The following EXOC2 variants were observed in gnomAD, a reference collection of about 807,000 sequenced individuals.
The protein encoded by EXOC2 is exocyst complex component 2, also known as SEC5-like 1.
Under a neutral mutation model 131.8 loss-of-function variants are expected in EXOC2, and 70 were observed. The observed-to-expected ratio is 0.53, with a 90% confidence interval of 0.44 to 0.65. EXOC2 has a LOEUF of 0.65. EXOC2 is among the 30% of genes least tolerant of loss of function. EXOC2 has a pLI of 0.00. For synonymous variants in EXOC2, 411 were observed against 398.4 expected (o/e 1.03, Z -0.38); for missense variants, 923 against 1,108.6 (o/e 0.83, Z 2.38).
intron 23 of EXOC2, among the ~76,000 whole-genome samples, chr6:523,581 T>C (rs973948951): frequency 6.6e-6 from 1 of 152,258 alleles, no homozygotes; most frequent in Non-Finnish European, 1.5e-5. Context: ...GTTTCAAACA[T>C]GTATATTTTC....
chr6:622,423 C>G (rs893004479), intron 4 of EXOC2, among the ~76,000 whole-genome samples: 2 of 152,192 alleles, frequency 1.3e-5, no homozygotes, highest in African/African-American at 4.8e-5. Flanking sequence ...TTCTGTGCCC[C>G]TCCCCCACGC....
intron 20 of EXOC2, among the ~76,000 whole-genome samples, 193 bp downstream of exon 20, chr6:555,034 T>C (rs753081038): frequency 3.9e-5 from 6 of 152,174 alleles, no homozygotes; most frequent in Non-Finnish European, 5.9e-5. Context: ...TTGTCTCTAA[T>C]AAGGCAAAGA....
intron 1 of EXOC2, among the ~76,000 whole-genome samples, chr6:670,820 CTTAT>C (rs1763829851): frequency 1.3e-5 from 2 of 152,262 alleles, no homozygotes; most frequent in South Asian, 2.1e-4. Context: ...ATTTTCATTT[CTTAT>C]TTAGAGTTTT....
At position 645,765 on chromosome 6, in the gene EXOC2, G is replaced by A. The variant is rs115723104; in HGVS notation, c.-43-7904C>T. On this transcript the variant is annotated intron_variant, in intron 1 of 27. Coordinates refer to ENST00000230449, the MANE Select transcript of EXOC2 (RefSeq NM_018303.6). ...GGCTAGAAGCAATAATACAACAGTAGCGATGAGCATATCTAACTCCCAAAT... is the reference window on the plus strand; with the variant it reads ...GGCTAGAAGCAATAATACAACAGTAACGATGAGCATATCTAACTCCCAAAT... 7.9e-3 allele frequency among the ~76,000 whole-genome samples: 1,199 copies of A among 152,284 alleles called. 14 individuals carry two copies. Among genetic ancestry groups the A allele is most frequent in the African/African-American group, 0.027 (1,118 of 41,554 alleles).
intron 1 of EXOC2, among the ~76,000 whole-genome samples, chr6:640,290 T>C (rs918372039): frequency 3.3e-5 from 5 of 152,094 alleles, no homozygotes. Flanking sequence ...GGGGAGAGCT[T>C]GAGGCTGCTT....
At chr6:616,468 T>G (rs960790083) in intron 6 of EXOC2, among the ~76,000 whole-genome samples, 1 of 151,316 alleles carries the variant, frequency 6.6e-6, no homozygotes, top group Non-Finnish European at 1.5e-5. Context: ...CCGGGCGCAG[T>G]GGCGGGCGCC....
rs148330220 is a variant in EXOC2, at chr6:566,609, C to T, written c.1444-1680G>A. 3.3e-3 allele frequency among the ~76,000 whole-genome samples: 504 copies of T among 152,300 alleles called. 5 individuals carry two copies. The highest frequency in any genetic ancestry group is 0.012 in the African/African-American group (489 of 41,548). On this transcript the variant is annotated intron_variant, in intron 13 of 27. Transcript: ENST00000230449. ...GGTTGGTGGTATGGGGTATGGGCATCGAGCAAATGAATGCCCTGCTCACTG... is the reference window on the plus strand; with the variant it reads ...GGTTGGTGGTATGGGGTATGGGCATTGAGCAAATGAATGCCCTGCTCACTG...
At chr6:673,422 A>G (rs1311414441) in intron 1 of EXOC2, among the ~76,000 whole-genome samples, 1 of 152,196 alleles carries the variant, frequency 6.6e-6, no homozygotes, top group African/African-American at 2.4e-5. Context: ...ATGAAACTGC[A>G]GCAGTGTATA....
intron 1 of EXOC2, among the ~76,000 whole-genome samples, chr6:652,066 A>AG (rs1463917494): frequency 6.6e-6 from 1 of 152,104 alleles, no homozygotes; most frequent in East Asian, 1.9e-4. Context: ...AAAAAAAAAA[A>AG]AAAAACTTCA....
intron 1 of EXOC2, among the ~76,000 whole-genome samples, chr6:638,892 G>A (rs112266653): frequency 0.015 from 2,247 of 152,234 alleles, 57 homozygotes; most frequent in African/African-American, 0.051. Context: ...TTGCGCCACT[G>A]CACTCTAGCC....
At chr6:660,183 C>G (rs916133851) in intron 1 of EXOC2, among the ~76,000 whole-genome samples, 13 of 150,946 alleles carry the variant, frequency 8.6e-5, no homozygotes, top group African/African-American at 2.0e-4. Flanking sequence ...CCCATCCCCC[C>G]CAACCCGATG....
chr6:512,965 A>G (rs1464841700), intron 23 of EXOC2, among the ~76,000 whole-genome samples: 1 of 152,240 alleles, frequency 6.6e-6, no homozygotes, highest in Non-Finnish European at 1.5e-5. Flanking sequence ...TGAGGTTTTC[A>G]ATATGAACCA....
In EXOC2 at chr6:555,931, G is replaced by A. The variant is rs73376440; in HGVS notation, c.1992+23C>T. Reference sequence around the variant, plus strand: ...CACTTAGTATTATTTGAGGCTTTCAGCATTACTGCTTTCTATTATTACCTG... The same window carrying A: ...CACTTAGTATTATTTGAGGCTTTCAACATTACTGCTTTCTATTATTACCTG... On this transcript the variant is annotated intron_variant, in intron 19 of 27. Coordinates refer to ENST00000230449, the MANE Select transcript of EXOC2 (RefSeq NM_018303.6). 2,839 of 1,610,162 alleles carry A rather than the reference G, an allele frequency of 1.8e-3. 38 individuals are homozygous for A. The African/African-American group carries it at 0.034, about 19-fold the overall frequency.
At chr6:496,250 T>A (rs1177621924) in intron 25 of EXOC2, among the ~76,000 whole-genome samples, 2 of 152,242 alleles carry the variant, frequency 1.3e-5, no homozygotes, top group South Asian at 2.1e-4. Context: ...TATTTGTGCA[T>A]TTCAATTAAA....
chr6:532,366 C>A (rs1234069282), intron 23 of EXOC2, 103 bp downstream of exon 23: 3 of 1,205,680 alleles, frequency 2.5e-6, no homozygotes, highest in Admixed American at 2.9e-5. Flanking sequence ...CTCTCACTCT[C>A]AGTAGATATG....
intron 4 of EXOC2, among the ~76,000 whole-genome samples, chr6:625,662 T>C (rs190466519): frequency 1.3e-5 from 2 of 152,242 alleles, no homozygotes; most frequent in Admixed American, 1.3e-4. Flanking sequence ...TAATTTGCCG[T>C]CAGTTTTCCT....
intron 11 of EXOC2, among the ~76,000 whole-genome samples, chr6:582,400 A>G (rs1319780743): frequency 1.3e-5 from 2 of 152,162 alleles, no homozygotes; most frequent in Admixed American, 6.5e-5. Flanking sequence ...AGTGTAGGGA[A>G]CACTGATCTG....
intron 25 of EXOC2, among the ~76,000 whole-genome samples, chr6:496,358 T>C (rs1763742432): frequency 6.6e-6 from 1 of 152,202 alleles, no homozygotes; most frequent in South Asian, 2.1e-4. Context: ...TGATTTTTTA[T>C]TTGTTTGTTT....
intron 7 of EXOC2, among the ~76,000 whole-genome samples, chr6:603,366 C>T (rs530071814): frequency 1.3e-5 from 2 of 152,224 alleles, no homozygotes; most frequent in South Asian, 2.1e-4. Context: ...TATACCATAA[C>T]GATGCTATAC....
Sources: gnomAD v4.1 joint callset for allele counts (sites outside exome capture counted in the v4.1 genomes callset) on GRCh38, gnomAD v4.1.1 for gene constraint, MANE v1.5 for transcripts, NCBI Gene and HGNC (gene_info 2026-07-23, HGNC 2026-07-21) for gene names.